The following AXDND1 variants were observed in gnomAD, a reference collection of about 807,000 sequenced individuals.
The protein encoded by AXDND1 is axonemal dynein light chain domain-containing protein 1.
AXDND1 carries 110 observed loss-of-function variants against 137.5 expected under a neutral mutation model. That is an observed-to-expected ratio of 0.80 (90% CI 0.69 to 0.94). The LOEUF (loss-of-function observed/expected upper bound fraction) is 0.94, where lower values mean the gene tolerates loss of function less well. Among genes scored for constraint, AXDND1 ranks in the 40% least tolerant of loss-of-function variants. AXDND1 has a pLI of 0.00. For missense variants in AXDND1, 1,191 were observed against 1,169.8 expected (o/e 1.02, Z -0.26); for synonymous variants, 414 against 399.7 (o/e 1.04, Z -0.43).
At chr1:179,448,745 A>C (rs1660089928) in intron 16 of AXDND1, 1 of 163,882 alleles carries the variant, frequency 6.1e-6, no homozygotes, top group South Asian at 1.6e-4. Flanking sequence ...CAACTTACCG[A>C]TTTTATTTTC....
chr1:179,479,476 A>AG (rs386368861), intron 17 of AXDND1, among the ~76,000 whole-genome samples: 2 of 2,524 alleles, frequency 7.9e-4, no homozygotes, highest in Non-Finnish European at 2.3e-3. Context: ...ACTCTGTCTC[A>AG]AAAAAAAAAA....
intron 25 of AXDND1, chr1:179,544,454 A>T (rs1351494610): frequency 1.3e-5 from 2 of 152,194 alleles, no homozygotes; most frequent in East Asian, 1.9e-4. Flanking sequence ...TGGGAGGATC[A>T]CTTGAGGTGA....
At chr1:179,551,784 A>G (rs1464601916) in intron 25 of AXDND1, 2 of 318,436 alleles carry the variant, frequency 6.3e-6, no homozygotes, top group Admixed American at 9.1e-5. Context: ...GCATGACGTT[A>G]TGAAAGGGTG....
intron 4 of AXDND1, among the ~76,000 whole-genome samples, chr1:179,374,336 A>C (rs1362577296): frequency 6.6e-6 from 1 of 152,182 alleles, no homozygotes; most frequent in Admixed American, 6.5e-5. Context: ...CAGGTGCTGG[A>C]GAGGATGTGG....
At chr1:179,448,948 A>T (rs931555663) in intron 16 of AXDND1, 1 of 270,592 alleles carries the variant, frequency 3.7e-6, no homozygotes. Flanking sequence ...GTGCAGTGGC[A>T]TGATCTTGTC....
At chr1:179,514,663 T>TATTG (rs1669357085) in intron 21 of AXDND1, among the ~76,000 whole-genome samples, 1 of 152,108 alleles carries the variant, frequency 6.6e-6, no homozygotes, top group Non-Finnish European at 1.5e-5. Context: ...GTCAGTGGAG[T>TATTG]ATTGAAGTCC....
chr1:179,411,196 A>G lies in AXDND1; in HGVS notation c.1160A>G (p.Glu387Gly). Residue 387 changes from glutamate (E) to glycine (G), a missense_variant, in exon 12 of 26, where the codon GAG (glutamate) becomes GGG (glycine). Glu to Gly is a moderately conservative substitution (Grantham distance 98, BLOSUM62 -2). Coordinates refer to ENST00000367618, the MANE Select transcript of AXDND1 (RefSeq NM_144696.6). ...TATACATTACAAAGAGAAAGGATGG[A>G]GAATGATATGAAAAAGTTAGTGGCA... ...DLYTLQRERM[E>G]NDMKKLVAER... The G allele has an allele frequency of 6.2e-7, 1 of 1,612,412 alleles. No homozygotes were observed. Among genetic ancestry groups the G allele is most frequent in the Non-Finnish European group, 8.5e-7 (1 of 1,179,322 alleles).
intron 3 of AXDND1, among the ~76,000 whole-genome samples, 177 bp from the exon 4 acceptor site, chr1:179,369,798 T>A (rs1271600490): frequency 6.6e-6 from 1 of 152,250 alleles, no homozygotes; most frequent in Non-Finnish European, 1.5e-5. Context: ...TTTCACTCAC[T>A]ATAGAATTAT....
At chr1:179,405,426 G>C (rs1460621890) in intron 11 of AXDND1, among the ~76,000 whole-genome samples, 2 of 152,090 alleles carry the variant, frequency 1.3e-5, no homozygotes, top group East Asian at 1.9e-4. Flanking sequence ...TAATCCTTTT[G>C]GTATCTACCC....
chr1:179,482,098 ATTTTTTTTTTT>A (rs57145549), intron 17 of AXDND1, among the ~76,000 whole-genome samples: 54 of 108,020 alleles, frequency 5.0e-4, no homozygotes, highest in East Asian at 7.6e-4. Flanking sequence ...GAGCTTTTTA[ATTTTTTTTTTT>A]TTTTTTTTTT....
At position 179,394,003 on chromosome 1, in the gene AXDND1, G is replaced by T. The variant is rs148772825; in HGVS notation, c.964G>T (p.Glu322Ter). ...AGTGATGGACCAGCGCATTTTAGAAGAATTGTATAATTTCAAGCATGTTAT... is the reference window on the plus strand; with the variant it reads ...AGTGATGGACCAGCGCATTTTAGAATAATTGTATAATTTCAAGCATGTTAT... Reference protein sequence around the residue: ...QRVMDQRILEELYNFKHVIEE... With the variant: ...QRVMDQRILE The change falls in exon 10 of 26, where the codon GAA becomes TAA. Residue 322 changes from glutamate to a stop codon, truncating the protein, a stop_gained. Transcript: ENST00000367618. LOFTEE classifies it high-confidence loss of function. 6.2e-7 allele frequency: 1 copy of T among 1,610,162 alleles called. No individual in the cohort carries two copies. The highest frequency in any genetic ancestry group is 1.3e-5 in the African/African-American group (1 of 74,632).
At chr1:179,420,230 G>A (rs1655463797) in intron 12 of AXDND1, among the ~76,000 whole-genome samples, 1 of 152,168 alleles carries the variant, frequency 6.6e-6, no homozygotes, top group African/African-American at 2.4e-5. Flanking sequence ...TTCTGTTAAT[G>A]TGATGTATCA....
At chr1:179,546,545 C>A (rs1672664159) in intron 25 of AXDND1, among the ~76,000 whole-genome samples, 1 of 152,120 alleles carries the variant, frequency 6.6e-6, no homozygotes, top group African/African-American at 2.4e-5. Context: ...GGCTGTTGTG[C>A]TTGCATATGG....
At chr1:179,423,761 T>C (rs1310253770) in intron 12 of AXDND1, among the ~76,000 whole-genome samples, 2 of 152,204 alleles carry the variant, frequency 1.3e-5, no homozygotes, top group African/African-American at 4.8e-5. Flanking sequence ...ATTTTGACTT[T>C]TAGTTATTTG....
chr1:179,454,027 T>G (rs1302431178), intron 16 of AXDND1: 1 of 152,206 alleles, frequency 6.6e-6, no homozygotes, highest in Admixed American at 6.5e-5. Context: ...ATGTGGACTT[T>G]TAAGTTAATG....
In AXDND1 at chr1:179,486,139, A is replaced by AAAAAAAAAAACAAAAAACT. The variant is rs149119239; in HGVS notation, c.2091+2920_2091+2921insAAAAAAAACAAAAAACTAA. Among the ~76,000 whole-genome samples, 69 of 87,780 alleles carry AAAAAAAAAAACAAAAAACT rather than the reference A, an allele frequency of 7.9e-4. 5 individuals are homozygous for AAAAAAAAAAACAAAAAACT. The highest frequency in any genetic ancestry group is 1.2e-3 in the East Asian group (2 of 1,706). 57.6% of individuals were successfully genotyped at this position (87,780 alleles called of 152,430 possible). A position where few individuals can be genotyped will look rare whatever the true frequency, so the allele number is the denominator to read the frequency against. On this transcript the variant is annotated intron_variant, in intron 18 of 25. Coordinates refer to ENST00000367618, the MANE Select transcript of AXDND1 (RefSeq NM_144696.6). The stretch of plus-strand genomic sequence containing the variant: ...TGTCTCAAAAAAAAAAAAAAAAAAA[A>AAAAAAAAAAACAAAAAACT]AACCTGATAGAAATGAAAAACACAC...
At chr1:179,492,833 C>CT (rs759651553) in intron 19 of AXDND1, 22 bp from the exon 20 acceptor site, 13 of 1,529,904 alleles carry the variant, frequency 8.5e-6, no homozygotes, top group South Asian at 2.4e-5. Flanking sequence ...TTTTCTTTTT[C>CT]TTTTTTTCCC....
intron 10 of AXDND1, among the ~76,000 whole-genome samples, chr1:179,394,506 C>G (rs1039912186): frequency 6.6e-6 from 1 of 152,012 alleles, no homozygotes; most frequent in Non-Finnish European, 1.5e-5. Context: ...AGGAGAATCA[C>G]TTGAACCCGG....
At chr1:179,545,488 T>C (rs1672558622) in intron 25 of AXDND1, 1 of 152,240 alleles carries the variant, frequency 6.6e-6, no homozygotes, top group African/African-American at 2.4e-5. Flanking sequence ...ATGAAATTCT[T>C]CAGAAACTTG....
Sources: gnomAD v4.1 joint callset for allele counts (sites outside exome capture counted in the v4.1 genomes callset) on GRCh38, gnomAD v4.1.1 for gene constraint, MANE v1.5 for transcripts, NCBI Gene and HGNC (gene_info 2026-07-23, HGNC 2026-07-21) for gene names.